ANKDD1A: variants seen among roughly 807,000 people sequenced by gnomAD.
ANKDD1A encodes ankyrin repeat and death domain containing 1A, also known as ankyrin repeat and death domain-containing protein 1A.
A neutral mutation model predicts 63.5 loss-of-function variants in ANKDD1A; 59 were observed. The ratio of observed to expected loss-of-function variants is 0.93; its 90% CI spans 0.75 to 1.15. The LOEUF (loss-of-function observed/expected upper bound fraction) is 1.15, where lower values mean the gene tolerates loss of function less well. ANKDD1A is among the 50% of genes most tolerant of loss of function. ANKDD1A has a pLI of 0.00. For missense variants in ANKDD1A, 632 were observed against 656.4 expected, an observed-to-expected ratio of 0.96 and a Z score of 0.41; for synonymous variants, 266 against 263.9, an observed-to-expected ratio of 1.01 and a Z score of -0.08.
chr15:64,951,394 CCTCTTTTTT>C lies in ANKDD1A; in HGVS notation c.1483+1425_1483+1433del, dbSNP rs1314044108. The stretch of plus-strand genomic sequence containing the variant: ...TCTTCTTTCTTTTTCTTTTCTTCTT[CCTCTTTTTT>C]CTTTTTTCTTTTCTTCCTCTTTTCT... On this transcript the variant is annotated intron_variant, in intron 14 of 14. Transcript: ENST00000319580. The C allele has an allele frequency of 1.5e-3, 389 of 267,892 alleles. 2 individuals carry two copies. Among genetic ancestry groups the C allele is most frequent in the African/African-American group, 8.4e-3 (258 of 30,566 alleles). 16.6% of individuals were successfully genotyped at this position (267,892 alleles called of 1,614,324 possible). A position where few individuals can be genotyped will look rare whatever the true frequency, so the allele number is the denominator to read the frequency against.
intron 14 of ANKDD1A, 25 bp from the exon 15 acceptor site, chr15:64,957,078 G>T (rs1226414372): frequency 4.5e-6 from 2 of 449,338 alleles, no homozygotes; most frequent in Non-Finnish European, 8.9e-6. Context: ...TTTGTTTTTT[G>T]AGACAGTCTT....
chr15:64,951,687 C>CCTTATTCTT (rs2085282593), intron 14 of ANKDD1A, among the ~76,000 whole-genome samples: 1 of 9,802 alleles, frequency 1.0e-4, no homozygotes, highest in South Asian at 0.017. Context: ...CTTCTTTCTT[C>CCTTATTCTT]TTCCTCTTCT....
At chr15:64,953,508 CT>C (rs2140390708) in intron 14 of ANKDD1A, among the ~76,000 whole-genome samples, 20 of 53,710 alleles carry the variant, frequency 3.7e-4, no homozygotes, top group African/African-American at 8.7e-4. Flanking sequence ...TCTTCCTCCT[CT>C]TCCTTCTCCT....
chr15:64,915,374 C>T (rs191221959), intron 1 of ANKDD1A, among the ~76,000 whole-genome samples: 2 of 152,286 alleles, frequency 1.3e-5, no homozygotes, highest in East Asian at 3.9e-4. Context: ...CCGGCGCTGG[C>T]ACGCAGTAGG....
intron 9 of ANKDD1A, among the ~76,000 whole-genome samples, chr15:64,940,908 T>A (rs2085178797): frequency 6.6e-6 from 1 of 152,096 alleles, no homozygotes; most frequent in African/African-American, 2.4e-5. Context: ...TCAGCTAATT[T>A]TGTTTTAAAT....
chr15:64,949,120 C>T (rs749999653), intron 13 of ANKDD1A, among the ~76,000 whole-genome samples: 3 of 152,246 alleles, frequency 2.0e-5, no homozygotes, highest in African/African-American at 4.8e-5. Context: ...GTGACCTGGA[C>T]CTGATGGGCG....
chr15:64,953,001 G>GCTTTC (rs2085328219), intron 14 of ANKDD1A, among the ~76,000 whole-genome samples: 1 of 140,952 alleles, frequency 7.1e-6, no homozygotes, highest in Non-Finnish European at 1.5e-5. Flanking sequence ...CTCCTTCTTA[G>GCTTTC]TTCTTTCTTC....
At chr15:64,954,466 C>T (rs1410877597) in intron 14 of ANKDD1A, among the ~76,000 whole-genome samples, 28 of 69,224 alleles carry the variant, frequency 4.0e-4, no homozygotes, top group African/African-American at 8.8e-4. Context: ...CCCTCTTCTC[C>T]TTCTTCCTCT....
At chr15:64,923,769 C>A (rs1012346206) in intron 4 of ANKDD1A, among the ~76,000 whole-genome samples, 1 of 152,192 alleles carries the variant, frequency 6.6e-6, no homozygotes, top group Admixed American at 6.5e-5. Flanking sequence ...TCTGGTCCTG[C>A]CAGCCTGGCC....
At chr15:64,952,070 C>CTTAGTTCTTCCT (rs1313461255) in intron 14 of ANKDD1A, among the ~76,000 whole-genome samples, 7 of 1,492 alleles carry the variant, frequency 4.7e-3, no homozygotes, top group African/African-American at 6.8e-3. Context: ...TTCTTCCTTT[C>CTTAGTTCTTCCT]TTCTTCTTCC....
chr15:64,953,307 CTTT>C (rs1267397736), intron 14 of ANKDD1A, among the ~76,000 whole-genome samples: 4 of 144,210 alleles, frequency 2.8e-5, no homozygotes, highest in African/African-American at 7.8e-5. Flanking sequence ...TCTTCTTTTA[CTTT>C]TTTCTTTCTT....
chr15:64,912,106 G>C (rs1270851980), intron 1 of ANKDD1A, 142 bp downstream of exon 1: 1 of 864,776 alleles, frequency 1.2e-6, no homozygotes, highest in Admixed American at 4.3e-5. Flanking sequence ...GAGCGGAATG[G>C]TTACCGGTCC....
chr15:64,912,509 C>T (rs1007520009), intron 1 of ANKDD1A, among the ~76,000 whole-genome samples: 1 of 152,210 alleles, frequency 6.6e-6, no homozygotes, highest in Non-Finnish European at 1.5e-5. Context: ...GCCTGACTGG[C>T]CACAGGTGGA....
chr15:64,935,743 C>G lies in ANKDD1A; in HGVS notation c.867+1509C>G, dbSNP rs533796129. On this transcript the variant is annotated intron_variant, in intron 9 of 14. Transcript: ENST00000319580. ...CCTGTAATCCCAGCTACTTGGGAGG[C>G]TGAAGCACGAGAATCACTTGAACCC... Among the ~76,000 whole-genome samples, 200 of 151,850 alleles carry G rather than the reference C, an allele frequency of 1.3e-3. 1 individual carries two copies. Among genetic ancestry groups the G allele is most frequent in the African/African-American group, 4.6e-3 (189 of 41,408 alleles).
At chr15:64,954,770 C>G (rs1414727157) in intron 14 of ANKDD1A, among the ~76,000 whole-genome samples, 7 of 138,128 alleles carry the variant, frequency 5.1e-5, no homozygotes, top group African/African-American at 2.0e-4. Flanking sequence ...GTTCTTCTTT[C>G]TTCTTCTCCT....
In ANKDD1A at chr15:64,953,699, T is replaced by TCC. The variant is rs2085356079; in HGVS notation, c.1484-3404_1484-3403insCC. On this transcript the variant is annotated intron_variant, in intron 14 of 14. Transcript: ENST00000319580. ...CTTTTCTTCTCCTTCTCCCTTCTTC[T>TCC]TTCTTCTTCTCCTTGTTCTTCTCCT... Among the ~76,000 whole-genome samples the TCC allele has an allele frequency of 2.7e-3, 131 of 48,654 alleles. 1 individual carries two copies. In the South Asian group the frequency reaches 0.035, roughly 13 times the overall value. The allele number at this position is 48,654 out of a possible 152,430, so 31.9% of individuals were successfully genotyped here.
intron 6 of ANKDD1A, among the ~76,000 whole-genome samples, chr15:64,930,538 G>A (rs1452077708): frequency 7.2e-5 from 11 of 152,232 alleles, no homozygotes; most frequent in Admixed American, 1.3e-4. Context: ...GCCTTGAGCC[G>A]TGAGAGGAGA....
At chr15:64,933,046 C>A (rs777862618) in intron 8 of ANKDD1A, among the ~76,000 whole-genome samples, 5 of 152,120 alleles carry the variant, frequency 3.3e-5, no homozygotes, top group Middle Eastern at 3.4e-3. Flanking sequence ...TTGCTCCAAC[C>A]TCAGCTTGTG....
chr15:64,957,997 C>G lies in ANKDD1A; in HGVS notation c.*809C>G, dbSNP rs1238093283. The G allele has an allele frequency of 6.6e-6, 1 of 151,938 alleles. No homozygotes were observed. Among genetic ancestry groups the G allele is most frequent in the Admixed American group, 6.6e-5 (1 of 15,234 alleles). The allele number at this position is 151,938 out of a possible 1,614,324, so 9.4% of individuals were successfully genotyped here. On this transcript the variant is annotated 3_prime_UTR_variant, in exon 15 of 15. Coordinates refer to ENST00000319580, the MANE Select transcript of ANKDD1A (RefSeq NM_182703.6). ...TAATGGGGAACAGTGGGGCTGGGACCGGGTGGGAGAAAGAGTTCTCAGTGG... is the reference window on the plus strand; with the variant it reads ...TAATGGGGAACAGTGGGGCTGGGACGGGGTGGGAGAAAGAGTTCTCAGTGG...
Sources: allele counts gnomAD v4.1 joint callset (sites outside exome capture counted in the v4.1 genomes callset), GRCh38; gene constraint gnomAD v4.1.1; transcripts MANE v1.5; gene names NCBI Gene and HGNC (gene_info 2026-07-23, HGNC 2026-07-21).